The following MYH7 variants were observed in gnomAD, a reference collection of about 807,000 sequenced individuals.
MYH7 encodes the protein myosin heavy chain 7.
In MYH7, 129 loss-of-function variants were observed where a neutral mutation model predicts 225.4. That is an observed-to-expected ratio of 0.57 (90% CI 0.50 to 0.66). MYH7 has a LOEUF of 0.66. MYH7 is among the 30% of genes least tolerant of loss of function. The pLI is 0.00. For synonymous variants in MYH7, 971 were observed against 1,007.6 expected (o/e 0.96, Z 0.69); for missense variants, 1,649 against 2,517.0 (o/e 0.66, Z 7.38).
rs370743876 is a variant in MYH7 at position 23,433,550 on chromosome 14, G to C, written c.183C>G (p.Ala61=). Residue 61 remains alanine, a synonymous_variant, in exon 3 of 40, where the codon GCC becomes GCG. Transcript: ENST00000355349. The surrounding 1 kb of genome is among the most constrained non-coding windows in gnomAD (Gnocchi z 4.1). ...CACCCACCTTGCCATACTCGGTCTCGGCAGTGACTTTGCCACCCTCTCGAG... is the reference window on the plus strand; with the variant it reads ...CACCCACCTTGCCATACTCGGTCTCCGCAGTGACTTTGCCACCCTCTCGAG... ...IVSREGGKVT[A]ETEYGKTVTV... is the part of the protein sequence containing the mutation. The C allele has an allele frequency of 1.9e-6, 3 of 1,613,946 alleles. No individual in the cohort carries two copies. In the African/African-American group the frequency reaches 4.0e-5, roughly 22 times the overall value.
intron 15 of MYH7, 86 bp downstream of exon 15, chr14:23,428,414 C>T (rs762423607): frequency 8.8e-5 from 141 of 1,595,516 alleles, no homozygotes; most frequent in Non-Finnish European, 1.6e-5. Context: ...TTTATATTCC[C>T]CAGAAGGGAG....
chr14:23,427,013 G>T, intron 17 of MYH7, 149 bp from the exon 18 acceptor site: 1 of 855,332 alleles, frequency 1.2e-6, no homozygotes, highest in Non-Finnish European at 1.9e-6. Context: ...CAGGGATAAG[G>T]AGAGAGGGTG....
rs969494630 is a variant in MYH7 at position 23,425,605 on chromosome 14, T to C, written c.2286+90A>G. 27 of 1,605,570 alleles carry C rather than the reference T, an allele frequency of 1.7e-5. No individual in the cohort carries two copies. Among genetic ancestry groups the C allele is most frequent in the Non-Finnish European group, 2.2e-5 (26 of 1,175,286 alleles). On this transcript the variant is annotated intron_variant, in intron 20 of 39. Transcript: ENST00000355349. This position sits in a 1 kb window ranked among gnomAD's most constrained non-coding sequence, Gnocchi z 4.6. The stretch of plus-strand genomic sequence containing the variant: ...GGAGGGGTAGCATACAGGTAAGAGA[T>C]TTTGCTAAGATGATTACAACAGGAA...
At chr14:23,417,946 G>A (rs1413063687) in intron 30 of MYH7, 2 of 859,346 alleles carry the variant, frequency 2.3e-6, no homozygotes, top group Non-Finnish European at 2.0e-6. Flanking sequence ...CCTCCCCACT[G>A]CCTTTCCCTG....
chr14:23,428,941 G>C lies in MYH7; in HGVS notation c.1407+14C>G. ...TGAGTGATTGTTCTCCCACTCCCAG[G>C]GGTCCCAACTCACATCGAAGATCTC... On this transcript the variant is annotated intron_variant, in intron 14 of 39. Transcript: ENST00000355349. The C allele has an allele frequency of 6.2e-7, 1 of 1,614,126 alleles. No homozygotes were observed. The highest frequency in any genetic ancestry group is 1.7e-5 in the Admixed American group (1 of 60,016).
At position 23,420,003 on chromosome 14, in the gene MYH7, C is replaced by T; in HGVS notation, c.3568G>A (p.Ala1190Thr). The change falls in exon 27 of 40, where the codon GCG (alanine) becomes ACG (threonine). Residue 1190 changes from alanine to threonine, a missense_variant. Ala to Thr is a moderately conservative substitution (Grantham distance 58). This residue lies in a region of MYH7 where 106 missense variants were observed against 198.8 expected (regional missense o/e 0.53). Coordinates refer to ENST00000355349, the MANE Select transcript of MYH7 (RefSeq NM_000257.4). ...EATLQHEATA[A>T]ALRKKHADSV... is the part of the protein sequence containing the mutation. ...TCGGCGTGCTTCTTGCGCAGGGCCG[C>T]GGCAGTGGCCTCGTGCTGCAGCGTG... 5 of 1,594,308 alleles carry T rather than the reference C, an allele frequency of 3.1e-6. No homozygotes were observed. The highest frequency in any genetic ancestry group is 4.3e-6 in the Non-Finnish European group (5 of 1,167,030).
intron 11 of MYH7, among the ~76,000 whole-genome samples, chr14:23,430,117 C>T (rs1347571928): frequency 2.6e-5 from 4 of 152,192 alleles, no homozygotes; most frequent in East Asian, 1.9e-4. Context: ...GCAGAGCAGA[C>T]GTCAGTTGGC....
At chr14:23,416,823 C>T (rs1447565771) in intron 33 of MYH7, 45 bp downstream of exon 33, 2 of 1,613,306 alleles carry the variant, frequency 1.2e-6, no homozygotes, top group Admixed American at 1.7e-5. Context: ...GACCAAAAGC[C>T]TGGAGCTCAG....
chr14:23,420,063 C>T lies in MYH7; in HGVS notation c.3508G>A (p.Glu1170Lys), dbSNP rs750627218. Residue 1170 changes from glutamate to lysine, a missense_variant, in exon 27 of 40, where the codon GAG (glutamate) becomes AAG (lysine). Coordinates refer to ENST00000355349, the MANE Select transcript of MYH7 (RefSeq NM_000257.4). ...AGGTCCCGCCGCATCTTCTGGAACT[C>T]GGCCTCGCGCTTCTTGTTCATCTCG... ...QIEMNKKREA[E>K]FQKMRRDLEE... is the part of the protein sequence containing the mutation. The T allele has an allele frequency of 1.9e-6, 3 of 1,585,798 alleles. No homozygotes were observed. The highest frequency in any genetic ancestry group is 1.1e-5 in the South Asian group (1 of 89,350).
rs182311329 is a variant in MYH7, at chr14:23,417,509, G to A, written c.4347C>T (p.Phe1449=). The change falls in exon 31 of 40, where the codon TTC becomes TTT. Residue 1449 remains phenylalanine, a synonymous_variant. Coordinates refer to ENST00000355349, the MANE Select transcript of MYH7 (RefSeq NM_000257.4). ...GCCCCCACCCAGGGCCCACCTTGTCGAAGTTCCTCTGCTTCTTGTCCAGGG... is the reference window on the plus strand; with the variant it reads ...GCCCCCACCCAGGGCCCACCTTGTCAAAGTTCCTCTGCTTCTTGTCCAGGG... The part of the protein sequence containing the change: ...AAALDKKQRN[F]DKILAEWKQK... 49 of 1,612,276 alleles carry A rather than the reference G, an allele frequency of 3.0e-5. No individual in the cohort carries two copies. The highest frequency in any genetic ancestry group is 2.7e-4 in the African/African-American group (20 of 74,986).
At chr14:23,429,430 C>T in intron 12 of MYH7, 83 bp from the exon 13 acceptor site, 4 of 1,361,692 alleles carry the variant, frequency 2.9e-6, no homozygotes. Context: ...AATCCCAGCA[C>T]TTTGGGAGGC....
chr14:23,427,399 A>G, intron 16 of MYH7, 92 bp from the exon 17 acceptor site: 1 of 1,541,812 alleles, frequency 6.5e-7, no homozygotes. Flanking sequence ...CCTTGCTGGC[A>G]TTTGGCCCCT....
rs768312155 is a variant in MYH7, at chr14:23,423,618, G to A, written c.3028C>T (p.Leu1010Phe). Residue 1010 changes from leucine (L) to phenylalanine (F), a missense_variant, in exon 24 of 40, where the codon CTT (leucine) becomes TTT (phenylalanine). This residue lies in a region of MYH7 where 282 missense variants were observed against 315.3 expected (regional missense o/e 0.89). Transcript: ENST00000355349. ...TTGACCTTGTCCTCCTCGGCCTGAA[G>A]GTCATCCAGAGCCTGTTGGTGGGCC... ...QEAHQQALDD[L>F]QAEEDKVNTL... 3 of 1,613,976 alleles carry A rather than the reference G, an allele frequency of 1.9e-6. No individual in the cohort carries two copies. Among genetic ancestry groups the A allele is most frequent in the Non-Finnish European group, 2.5e-6 (3 of 1,180,038 alleles).
chr14:23,432,190 G>T (rs962499897), intron 6 of MYH7, among the ~76,000 whole-genome samples: 12 of 152,204 alleles, frequency 7.9e-5, no homozygotes, highest in African/African-American at 2.9e-4. Context: ...TGAAGGGAAA[G>T]AAAATGCAGA....
chr14:23,415,433 G>A lies in MYH7; in HGVS notation c.5231C>T (p.Ala1744Val), dbSNP rs752406339. The change falls in exon 36 of 40, where the codon GCA becomes GTA. Residue 1744 changes from alanine (A) to valine (V), a missense_variant. Physicochemically the swap from Ala to Val is moderately conservative, Grantham distance 64. Transcript: ENST00000355349. The surrounding 1 kb of genome is among the most constrained non-coding windows in gnomAD (Gnocchi z 6.3). ...LSQLQTEVEE[A>V]VQECRNAEEK... ...CTCAGCATTCCTGCACTCCTGCACT[G>A]CCTCCTCCACTTCAGTCTGGAGCTG... 2 of 1,614,230 alleles carry A rather than the reference G, an allele frequency of 1.2e-6. No individual in the cohort carries two copies. The highest frequency in any genetic ancestry group is 8.5e-7 in the Non-Finnish European group (1 of 1,180,046).
At chr14:23,418,484 C>T (rs1892328068) in intron 29 of MYH7, 78 bp from the exon 30 acceptor site, 1 of 1,455,050 alleles carries the variant, frequency 6.9e-7, no homozygotes, top group African/African-American at 1.4e-5. Flanking sequence ...CTCCTCACCC[C>T]AATCTCAACA....
chr14:23,434,352 C>A (rs1378677747), intron 1 of MYH7, 103 bp from the exon 2 acceptor site: 1 of 815,188 alleles, frequency 1.2e-6, no homozygotes, highest in African/African-American at 1.9e-5. Flanking sequence ...CCACCCTCTT[C>A]CAAAACAAGG....
chr14:23,432,122 G>A (rs1892971492), intron 6 of MYH7, among the ~76,000 whole-genome samples: 1 of 152,250 alleles, frequency 6.6e-6, no homozygotes. Flanking sequence ...AAACAGGGGA[G>A]ATGGGCCTGG....
intron 18 of MYH7, 77 bp downstream of exon 18, chr14:23,426,700 A>T: frequency 7.6e-7 from 1 of 1,319,794 alleles, no homozygotes; most frequent in Non-Finnish European, 1.1e-6. Context: ...GGTGGTAGGT[A>T]GGGAGATGTC....
Sources: gnomAD v4.1 joint callset for allele counts (sites outside exome capture counted in the v4.1 genomes callset) on GRCh38, gnomAD v4.1.1 for gene constraint, gnomAD v4.1.1 regional missense constraint, Gnocchi (gnomAD v3.1) non-coding constraint, MANE v1.5 for transcripts, NCBI Gene and HGNC (gene_info 2026-07-23, HGNC 2026-07-21) for gene names.